Variants in ZBTB7C observed in about 807,000 individuals in gnomAD.
The protein encoded by ZBTB7C is zinc finger and BTB domain-containing protein 7C.
In ZBTB7C, 8 loss-of-function variants were observed where a neutral mutation model predicts 25.7. That is an observed-to-expected ratio of 0.31 (90% CI 0.18 to 0.56). ZBTB7C has a LOEUF of 0.56. Ranked by LOEUF, ZBTB7C falls within the 20% of genes least tolerant of loss-of-function variation. ZBTB7C has a pLI of 0.91. For missense variants in ZBTB7C, 824 were observed against 855.2 expected (o/e 0.96, Z 0.46); for synonymous variants, 394 against 369.0 (o/e 1.07, Z -0.78).
At chr18:48,298,108 A>G (rs1052172939) in intron 2 of ZBTB7C, among the ~76,000 whole-genome samples, 2 of 152,016 alleles carry the variant, frequency 1.3e-5, no homozygotes, top group African/African-American at 2.4e-5. Context: ...GTGAAACCCC[A>G]TCGCTACTAA....
rs2039707209 is a variant in ZBTB7C, at chr18:48,123,769, A to G, written c.-17+62165T>C. Among the ~76,000 whole-genome samples, 5 of 152,240 alleles carry G rather than the reference A, an allele frequency of 3.3e-5. 1 individual carries two copies. In the South Asian group the frequency reaches 1.0e-3, roughly 31 times the overall value. ...GCAGTATAAGAATGGTGAATATAGA[A>G]GTAAGTGCTGCAGGATGCATCCTTA... On this transcript the variant is annotated intron_variant, in intron 3 of 4. Transcript: ENST00000590800.
chr18:48,263,615 G>C (rs2044232337), intron 2 of ZBTB7C, among the ~76,000 whole-genome samples: 1 of 151,826 alleles, frequency 6.6e-6, no homozygotes, highest in South Asian at 2.1e-4. Flanking sequence ...GTCCTGAGAG[G>C]GTCAGCTATC....
In ZBTB7C at chr18:48,069,233, G is replaced by T. The variant is rs148409179; in HGVS notation, c.-16-28110C>A. Among the ~76,000 whole-genome samples the T allele has an allele frequency of 2.3e-3, 357 of 152,308 alleles. 4 individuals are homozygous for T. Among genetic ancestry groups the T allele is most frequent in the African/African-American group, 8.2e-3 (342 of 41,562 alleles). ...GTCCAGGTGTTCCTGTGGGTGGCAC[G>T]CCTGTTACCTTTCTCAATTCTCACC... On this transcript the variant is annotated intron_variant, in intron 3 of 4. Coordinates refer to ENST00000590800, the MANE Select transcript of ZBTB7C (RefSeq NM_001318841.2).
chr18:48,244,902 T>G lies in ZBTB7C; in HGVS notation c.-78-58907A>C, dbSNP rs371607231. Among the ~76,000 whole-genome samples the G allele has an allele frequency of 9.9e-5, 15 of 151,928 alleles. No individual in the cohort carries two copies. In the South Asian group the frequency reaches 3.1e-3, roughly 32 times the overall value. On this transcript the variant is annotated intron_variant, in intron 2 of 4. Transcript: ENST00000590800. The stretch of plus-strand genomic sequence containing the variant: ...ACAGTGTGGAGATTCCTTAAAAAAC[T>G]AAAAGTAGATCTACCATCTGATCCA...
At chr18:48,202,469 C>A (rs1250575890) in intron 2 of ZBTB7C, among the ~76,000 whole-genome samples, 1 of 135,562 alleles carries the variant, frequency 7.4e-6, no homozygotes, top group Non-Finnish European at 1.5e-5. Context: ...GGGGACAAAA[C>A]CAGGTGGGGG....
At chr18:48,389,226 CTCTCTCTCTCGTGTGTGTGTGTGT>C (rs1847451775) in intron 1 of ZBTB7C, among the ~76,000 whole-genome samples, 1 of 110,174 alleles carries the variant, frequency 9.1e-6, no homozygotes, top group African/African-American at 3.5e-5. Context: ...CTCTCTCTCT[CTCTCTCTCTCGTGTGTGTGTGTGT>C]GTGTGTGTGT....
intron 1 of ZBTB7C, among the ~76,000 whole-genome samples, chr18:48,393,745 A>G (rs1257500927): frequency 1.3e-5 from 2 of 152,132 alleles, no homozygotes; most frequent in Non-Finnish European, 2.9e-5. Flanking sequence ...CACCAAGATA[A>G]TCATAACCAA....
intron 3 of ZBTB7C, among the ~76,000 whole-genome samples, chr18:48,155,133 A>G (rs774604078): frequency 9.8e-5 from 15 of 152,294 alleles, no homozygotes; most frequent in East Asian, 1.9e-4. Flanking sequence ...AGGAGCAAAT[A>G]GGCCCCATGT....
chr18:48,270,783 G>A (rs1055340997), intron 2 of ZBTB7C, among the ~76,000 whole-genome samples: 6 of 151,458 alleles, frequency 4.0e-5, no homozygotes, highest in South Asian at 2.1e-4. Context: ...CTCACGATCC[G>A]CCCACCTTGG....
chr18:48,051,728 A>G (rs1264921478), intron 3 of ZBTB7C, among the ~76,000 whole-genome samples: 1 of 152,138 alleles, frequency 6.6e-6, no homozygotes, highest in Non-Finnish European at 1.5e-5. Flanking sequence ...CTCAGTCACA[A>G]AGTGAGGGCT....
intron 3 of ZBTB7C, among the ~76,000 whole-genome samples, chr18:48,048,633 A>G (rs548611754): frequency 6.6e-6 from 1 of 152,320 alleles, no homozygotes; most frequent in East Asian, 1.9e-4. Context: ...TCAGTGCTCA[A>G]CCAATGCTAG....
chr18:48,285,086 T>A (rs559524033), intron 2 of ZBTB7C, among the ~76,000 whole-genome samples: 2 of 152,234 alleles, frequency 1.3e-5, no homozygotes, highest in Non-Finnish European at 2.9e-5. Context: ...TATAAATGTA[T>A]GCCACAGAAG....
chr18:48,367,175 T>C (rs866794887), intron 1 of ZBTB7C, among the ~76,000 whole-genome samples: 33 of 62,220 alleles, frequency 5.3e-4, no homozygotes, highest in African/African-American at 2.2e-3. Context: ...TCCCCAAGTT[T>C]TATATATATA....
chr18:48,367,892 G>C (rs914618833), intron 1 of ZBTB7C, among the ~76,000 whole-genome samples: 3 of 151,814 alleles, frequency 2.0e-5, no homozygotes, highest in African/African-American at 7.3e-5. Context: ...GGTATCCATG[G>C]AGGGAGAGTG....
chr18:48,312,695 T>C (rs2045850099), intron 2 of ZBTB7C, among the ~76,000 whole-genome samples: 1 of 152,202 alleles, frequency 6.6e-6, no homozygotes, highest in African/African-American at 2.4e-5. Flanking sequence ...TGGCACACAG[T>C]AGGTACTCCA....
intron 4 of ZBTB7C, among the ~76,000 whole-genome samples, chr18:48,037,319 C>G (rs2036016356): frequency 6.6e-6 from 1 of 152,210 alleles, no homozygotes; most frequent in South Asian, 2.1e-4. Flanking sequence ...CAGAGCTGCC[C>G]CACTGCCTAT....
At chr18:48,200,628 C>T (rs904196514) in intron 2 of ZBTB7C, among the ~76,000 whole-genome samples, 6 of 152,124 alleles carry the variant, frequency 3.9e-5, no homozygotes, top group South Asian at 2.1e-4. Context: ...GACAGATGCC[C>T]GTCAACAGGA....
chr18:48,202,545 G>C (rs2042478415), intron 2 of ZBTB7C, among the ~76,000 whole-genome samples: 1 of 152,024 alleles, frequency 6.6e-6, no homozygotes, highest in Non-Finnish European at 1.5e-5. Flanking sequence ...CTGCGAGGGT[G>C]GGTGTGCAAG....
At chr18:48,397,036 A>G (rs1850950381) in intron 1 of ZBTB7C, among the ~76,000 whole-genome samples, 1 of 152,226 alleles carries the variant, frequency 6.6e-6, no homozygotes, top group African/African-American at 2.4e-5. Context: ...AAGAAGAGAT[A>G]TTGGTCAATG....
Sources: allele counts gnomAD v4.1 joint callset (sites outside exome capture counted in the v4.1 genomes callset), GRCh38; gene constraint gnomAD v4.1.1; transcripts MANE v1.5; gene names NCBI Gene and HGNC (gene_info 2026-07-23, HGNC 2026-07-21).